BARX2: variants seen among roughly 807,000 people sequenced by gnomAD.
The protein encoded by BARX2 is homeobox protein BarH-like 2.
In BARX2, 11 loss-of-function variants were observed where a neutral mutation model predicts 25.5. The ratio of observed to expected loss-of-function variants is 0.43; its 90% CI spans 0.27 to 0.71. The LOEUF (loss-of-function observed/expected upper bound fraction) is 0.71. Ranked by LOEUF, BARX2 falls within the 30% of genes least tolerant of loss-of-function variation. The probability of loss-of-function intolerance (pLI) is 0.19; values close to 1 mark genes in which losing one functional copy is unlikely to be tolerated. For synonymous variants in BARX2, 137 were observed against 149.5 expected (o/e 0.92, Z 0.61); for missense variants, 360 against 359.9 (o/e 1.00, Z 0.00).
chr11:129,378,974 T>G (rs192239368), intron 1 of BARX2, among the ~76,000 whole-genome samples: 35 of 152,260 alleles, frequency 2.3e-4, no homozygotes, highest in African/African-American at 8.2e-4. Flanking sequence ...TGGGAATAGT[T>G]TTCATCTCAG....
chr11:129,437,211 AC>A, intron 2 of BARX2, 160 bp downstream of exon 2: 2 of 832,696 alleles, frequency 2.4e-6, no homozygotes, highest in Non-Finnish European at 3.4e-6. Flanking sequence ...GGTTAACAGA[AC>A]CCAGCCCACA....
chr11:129,403,857 T>A (rs1269675115), intron 1 of BARX2, among the ~76,000 whole-genome samples: 4 of 152,140 alleles, frequency 2.6e-5, no homozygotes, highest in Non-Finnish European at 5.9e-5. Context: ...AGTAGATAGA[T>A]GGGACTACAG....
At chr11:129,399,164 T>C (rs1190963236) in intron 1 of BARX2, among the ~76,000 whole-genome samples, 1 of 152,210 alleles carries the variant, frequency 6.6e-6, no homozygotes, top group Admixed American at 6.5e-5. Flanking sequence ...ATTGAATTCA[T>C]AATATTTAGA....
chr11:129,397,723 A>G (rs1161557470), intron 1 of BARX2, among the ~76,000 whole-genome samples: 1 of 152,234 alleles, frequency 6.6e-6, no homozygotes, highest in Non-Finnish European at 1.5e-5. Flanking sequence ...TACCAGAATC[A>G]TACGACCAAT....
At chr11:129,432,958 A>G (rs1251865548) in intron 1 of BARX2, among the ~76,000 whole-genome samples, 1 of 151,570 alleles carries the variant, frequency 6.6e-6, no homozygotes, top group Non-Finnish European at 1.5e-5. Flanking sequence ...CAGCCCTTGT[A>G]TTTCTTCATT....
chr11:129,406,005 C>G (rs1203580046), intron 1 of BARX2, among the ~76,000 whole-genome samples: 1 of 152,168 alleles, frequency 6.6e-6, no homozygotes, highest in Non-Finnish European at 1.5e-5. Flanking sequence ...TGTTACTTAT[C>G]TATCTCATTA....
intron 2 of BARX2, among the ~76,000 whole-genome samples, chr11:129,439,967 C>T (rs1183019595): frequency 6.6e-6 from 1 of 152,026 alleles, no homozygotes; most frequent in Non-Finnish European, 1.5e-5. Flanking sequence ...TCCCTGATAC[C>T]TGCCCAGGCA....
intron 3 of BARX2, among the ~76,000 whole-genome samples, chr11:129,448,056 C>T (rs1037734325): frequency 3.9e-5 from 6 of 152,144 alleles, no homozygotes; most frequent in East Asian, 1.9e-4. Flanking sequence ...GCTGTTGATG[C>T]GGAAAGGACA....
At position 129,436,911 on chromosome 11, in the gene BARX2, A is replaced by T. The variant is rs779262080; in HGVS notation, c.348A>T (p.Leu116=). The change falls in exon 2 of 4, where the codon CTA becomes CTT. Residue 116 remains leucine, a synonymous_variant. Transcript: ENST00000281437. This position sits in a 1 kb window ranked among gnomAD's most constrained non-coding sequence, Gnocchi z 4.5. ...VSAEAPGGEA[L]ASSESETEQP... ...CTGAGGCCCCAGGGGGCGAGGCCCT[A>T]GCCAGCAGCGAGTCAGAGACGGAAC... 21 of 1,613,854 alleles carry T rather than the reference A, an allele frequency of 1.3e-5. No homozygotes were observed. The highest frequency in any genetic ancestry group is 1.7e-5 in the Non-Finnish European group (20 of 1,179,922).
intron 1 of BARX2, among the ~76,000 whole-genome samples, chr11:129,386,299 C>T (rs1013013404): frequency 5.3e-5 from 8 of 152,144 alleles, no homozygotes; most frequent in Admixed American, 6.5e-5. Context: ...GTTGATATGA[C>T]AATATACTAC....
Position 129,375,919 on chromosome 11 carries a change from G to T in BARX2, c.-117G>T. 1.9e-6 allele frequency: 1 copy of T among 528,696 alleles called. No individual in the cohort carries two copies. The highest frequency in any genetic ancestry group is 2.4e-6 in the Non-Finnish European group (1 of 412,752). 32.8% of individuals were successfully genotyped at this position (528,696 alleles called of 1,614,324 possible). A position where few individuals can be genotyped will look rare whatever the true frequency, so the allele number is the denominator to read the frequency against. ...CTCCGCGCGCCACCCGAGCCCCGCCGCCTCCCCAGCTGCCGGGAGCGGGGC... is the reference window on the plus strand; with the variant it reads ...CTCCGCGCGCCACCCGAGCCCCGCCTCCTCCCCAGCTGCCGGGAGCGGGGC... On this transcript the variant is annotated 5_prime_UTR_variant, in exon 1 of 4. Transcript: ENST00000281437. This position sits in a 1 kb window ranked among gnomAD's most constrained non-coding sequence, Gnocchi z 4.0.
At position 129,441,599 on chromosome 11, in the gene BARX2, C is replaced by A. The variant is rs76796750; in HGVS notation, c.489-1236C>A. Among the ~76,000 whole-genome samples, 121 of 151,864 alleles carry A rather than the reference C, an allele frequency of 8.0e-4. 1 individual carries two copies. In the East Asian group the frequency reaches 0.021, roughly 26 times the overall value. ...TCGTAGCTGGGATTACAGGTACCTG[C>A]CACCACACCCAGTTAATTTTTGTAT... On this transcript the variant is annotated intron_variant, in intron 2 of 3. Transcript: ENST00000281437.
chr11:129,392,267 T>C (rs1861673583), intron 1 of BARX2, among the ~76,000 whole-genome samples: 1 of 152,200 alleles, frequency 6.6e-6, no homozygotes, highest in African/African-American at 2.4e-5. Flanking sequence ...GGGTGAGAGA[T>C]GCGAAATTAA....
intron 1 of BARX2, among the ~76,000 whole-genome samples, chr11:129,396,377 C>T (rs1861721424): frequency 6.6e-6 from 1 of 151,424 alleles, no homozygotes; most frequent in Non-Finnish European, 1.5e-5. Flanking sequence ...GATATTGCCA[C>T]TCCTCCCCAC....
chr11:129,384,478 G>T (rs984996466), intron 1 of BARX2, among the ~76,000 whole-genome samples: 6 of 152,124 alleles, frequency 3.9e-5, no homozygotes, highest in Non-Finnish European at 8.8e-5. Context: ...TTCACTCGGT[G>T]AATTAACCAT....
intron 1 of BARX2, among the ~76,000 whole-genome samples, chr11:129,411,110 G>C (rs1367429628): frequency 6.6e-6 from 1 of 152,162 alleles, no homozygotes. Flanking sequence ...AGTGGCTCAC[G>C]CCTGTAATCC....
chr11:129,448,648 T>C (rs1020641414), intron 3 of BARX2, among the ~76,000 whole-genome samples: 10 of 152,294 alleles, frequency 6.6e-5, no homozygotes, highest in South Asian at 2.1e-4. Context: ...ATGTGGAGAA[T>C]TGGAACCCTC....
intron 1 of BARX2, among the ~76,000 whole-genome samples, chr11:129,404,600 G>T (rs991223635): frequency 8.5e-5 from 13 of 152,204 alleles, no homozygotes; most frequent in Admixed American, 3.3e-4. Context: ...AAACAACAGT[G>T]ATGTTACCTG....
At chr11:129,404,616 C>T (rs968091135) in intron 1 of BARX2, among the ~76,000 whole-genome samples, 3 of 152,186 alleles carry the variant, frequency 2.0e-5, no homozygotes, top group South Asian at 2.1e-4. Flanking sequence ...ACCTGTTCTG[C>T]GAGAGTAATG....
Sources: allele counts gnomAD v4.1 joint callset (sites outside exome capture counted in the v4.1 genomes callset), GRCh38; gene constraint gnomAD v4.1.1; non-coding constraint Gnocchi (gnomAD v3.1); transcripts MANE v1.5; gene names NCBI Gene and HGNC (gene_info 2026-07-23, HGNC 2026-07-21).